Variants in HIRA observed in about 807,000 individuals in gnomAD.
HIRA encodes protein HIRA.
A neutral mutation model predicts 126.6 loss-of-function variants in HIRA; 13 were observed. The ratio of observed to expected loss-of-function variants is 0.10; its 90% confidence interval spans 0.07 to 0.16. The LOEUF is 0.16. HIRA is among the 10% of genes least tolerant of loss of function. HIRA has a pLI of 1.00. For synonymous variants in HIRA, 511 were observed against 520.0 expected (o/e 0.98, Z 0.24); for missense variants, 834 against 1,314.4 (o/e 0.63, Z 5.65).
At chr22:19,423,362 C>T (rs1339927291) in intron 1 of HIRA, among the ~76,000 whole-genome samples, 2 of 152,110 alleles carry the variant, frequency 1.3e-5, no homozygotes, top group Admixed American at 1.3e-4. Flanking sequence ...CCAGCAGATC[C>T]CATCCCAGTC....
Position 19,351,252 on chromosome 22 carries a change from G to T in HIRA, c.2937+106C>A. The T allele has an allele frequency of 1.4e-6, 2 of 1,463,868 alleles. No individual in the cohort carries two copies. The highest frequency in any genetic ancestry group is 1.8e-6 in the Non-Finnish European group (2 of 1,109,520). 90.7% of individuals were successfully genotyped at this position (1,463,868 alleles called of 1,614,324 possible). A position where few individuals can be genotyped will look rare whatever the true frequency, so the allele number is the denominator to read the frequency against. On this transcript the variant is annotated intron_variant, in intron 24 of 24. Transcript: ENST00000263208. This position sits in a 1 kb window ranked among gnomAD's most constrained non-coding sequence, Gnocchi z 4.8. ...CTGGGACCTGAGGCTGGGTGCTGGA[G>T]AAGTCTAACGGGACACAATTTCAAA... is the stretch of plus-strand genomic sequence containing the variant.
intron 24 of HIRA, among the ~76,000 whole-genome samples, chr22:19,342,809 C>T (rs2088645799): frequency 6.6e-6 from 1 of 152,172 alleles, no homozygotes; most frequent in Non-Finnish European, 1.5e-5. Context: ...ACGTTTATAG[C>T]AGCACCATTT....
chr22:19,385,140 T>C (rs1472908739), intron 12 of HIRA, among the ~76,000 whole-genome samples: 1 of 152,154 alleles, frequency 6.6e-6, no homozygotes, highest in Admixed American at 6.5e-5. Context: ...TCCCGCCCCA[T>C]TTCCAACCCC....
At chr22:19,403,501 A>G (rs2089285986) in intron 5 of HIRA, among the ~76,000 whole-genome samples, 1 of 152,048 alleles carries the variant, frequency 6.6e-6, no homozygotes. Flanking sequence ...AGTCCCAGCT[A>G]CTCAGGAGTC....
rs12628205 is a variant in HIRA at position 19,333,450 on chromosome 22, G to C, written c.2938-1894C>G. ...GCTCAAAAAGAAATAGAAAGGAAAAGTTAATTATTACCATAAAGAAAACAT... is the reference window on the plus strand; with the variant it reads ...GCTCAAAAAGAAATAGAAAGGAAAACTTAATTATTACCATAAAGAAAACAT... On this transcript the variant is annotated intron_variant, in intron 24 of 24. Transcript: ENST00000263208. 7.6e-3 allele frequency among the ~76,000 whole-genome samples: 1,156 copies of C among 152,200 alleles called. 28 individuals carry two copies. Among genetic ancestry groups the C allele is most frequent in the East Asian group, 0.069 (357 of 5,182 alleles).
intron 1 of HIRA, among the ~76,000 whole-genome samples, chr22:19,429,730 T>A (rs1666810437): frequency 6.6e-6 from 1 of 152,212 alleles, no homozygotes; most frequent in Non-Finnish European, 1.5e-5. Context: ...AGCATAAAAC[T>A]TTTGGCCTAC....
At chr22:19,356,072 C>A (rs1255542452) in intron 20 of HIRA, among the ~76,000 whole-genome samples, 158 bp downstream of exon 20, 2 of 152,198 alleles carry the variant, frequency 1.3e-5, no homozygotes, top group Non-Finnish European at 2.9e-5. Flanking sequence ...AACATGCCCC[C>A]AAAAAGTGTG....
chr22:19,428,314 C>G (rs1468017107), intron 1 of HIRA, among the ~76,000 whole-genome samples: 1 of 152,160 alleles, frequency 6.6e-6, no homozygotes, highest in Non-Finnish European at 1.5e-5. Flanking sequence ...TTGGTTGATA[C>G]AACTAGAAGT....
At chr22:19,342,427 C>T (rs1405457854) in intron 24 of HIRA, among the ~76,000 whole-genome samples, 4 of 152,188 alleles carry the variant, frequency 2.6e-5, no homozygotes, top group African/African-American at 9.7e-5. Flanking sequence ...CACTCTGTCA[C>T]CCAGGCTGGA....
At chr22:19,341,378 G>A (rs911400464) in intron 24 of HIRA, among the ~76,000 whole-genome samples, 1 of 151,290 alleles carries the variant, frequency 6.6e-6, no homozygotes, top group Non-Finnish European at 1.5e-5. Context: ...GAGCCTTGGA[G>A]GCAGAGTTTG....
At chr22:19,379,482 G>A (rs369376856) in intron 13 of HIRA, among the ~76,000 whole-genome samples, 1 of 150,720 alleles carries the variant, frequency 6.6e-6, no homozygotes, top group East Asian at 2.0e-4. Flanking sequence ...AAAATTAGCC[G>A]GGCATGGTGG....
intron 4 of HIRA, 148 bp downstream of exon 4, chr22:19,407,036 A>C: frequency 1.6e-6 from 1 of 636,446 alleles, no homozygotes. Context: ...GTCAGGCTCC[A>C]CCTGCTCCTG....
chr22:19,430,773 G>A (rs1348376271), intron 1 of HIRA, among the ~76,000 whole-genome samples: 1 of 152,206 alleles, frequency 6.6e-6, no homozygotes, highest in African/African-American at 2.4e-5. Flanking sequence ...AAGATATGGG[G>A]TGGATGAGTC....
intron 12 of HIRA, among the ~76,000 whole-genome samples, 177 bp downstream of exon 12, chr22:19,385,344 G>A (rs1388981135): frequency 6.6e-6 from 1 of 152,234 alleles, no homozygotes. Flanking sequence ...AGAGGATCCA[G>A]GCCCCATTAC....
intron 15 of HIRA, among the ~76,000 whole-genome samples, chr22:19,362,311 A>C (rs1470606473): frequency 1.3e-5 from 2 of 152,226 alleles, no homozygotes; most frequent in African/African-American, 4.8e-5. Flanking sequence ...CTTTCTGTTC[A>C]AACAAATAAC....
chr22:19,377,655 C>T (rs1394607201), intron 14 of HIRA, among the ~76,000 whole-genome samples: 1 of 152,180 alleles, frequency 6.6e-6, no homozygotes, highest in Non-Finnish European at 1.5e-5. Context: ...AGCCTTGATA[C>T]ACTCTGTGAA....
At position 19,331,254 on chromosome 22, in the gene HIRA, C is replaced by T; in HGVS notation, c.*186G>A. ...AGGGATGAGCTTCCCCCTCCTGAGG[C>T]AATGTCAGACCCAGGACACAGGGCA... On this transcript the variant is annotated 3_prime_UTR_variant, in exon 25 of 25. Coordinates refer to ENST00000263208, the MANE Select transcript of HIRA (RefSeq NM_003325.4). The T allele has an allele frequency of 6.6e-7, 1 of 1,519,852 alleles. No homozygotes were observed. Among genetic ancestry groups the T allele is most frequent in the Non-Finnish European group, 8.8e-7 (1 of 1,135,780 alleles). The allele number at this position is 1,519,852 out of a possible 1,614,324, so 94.1% of individuals were successfully genotyped here. A position where few individuals can be genotyped will look rare whatever the true frequency, so the allele number is the denominator to read the frequency against.
intron 9 of HIRA, among the ~76,000 whole-genome samples, chr22:19,390,235 T>C (rs1429188892): frequency 6.6e-6 from 1 of 152,032 alleles, no homozygotes; most frequent in East Asian, 1.9e-4. Flanking sequence ...CCATTGAGTA[T>C]ATCTGCTGAG....
In HIRA at chr22:19,385,846, G is replaced by C. The variant is rs184612787; in HGVS notation, c.1114-110C>G. 359 of 1,041,048 alleles carry C rather than the reference G, an allele frequency of 3.4e-4. No individual in the cohort carries two copies. The African/African-American group carries it at 4.8e-3, about 14-fold the overall frequency. The allele number at this position is 1,041,048 out of a possible 1,614,324, so 64.5% of individuals were successfully genotyped here. On this transcript the variant is annotated intron_variant, in intron 11 of 24. Coordinates refer to ENST00000263208, the MANE Select transcript of HIRA (RefSeq NM_003325.4). Reference sequence around the variant, plus strand: ...GCTCTCCTGGCTCTGAGTGGAGAAGGGACCCAAGGCCAACTCCCCATCGCC... The same window carrying C: ...GCTCTCCTGGCTCTGAGTGGAGAAGCGACCCAAGGCCAACTCCCCATCGCC...
Sources: gnomAD v4.1 joint callset for allele counts (sites outside exome capture counted in the v4.1 genomes callset) on GRCh38, gnomAD v4.1.1 for gene constraint, Gnocchi (gnomAD v3.1) non-coding constraint, MANE v1.5 for transcripts, NCBI Gene and HGNC (gene_info 2026-07-23, HGNC 2026-07-21) for gene names.